The following FEZ1 variants were observed in gnomAD, a reference collection of about 807,000 sequenced individuals.
FEZ1 encodes fasciculation and elongation protein zeta 1, also known as fasciculation and elongation protein zeta-1.
FEZ1 carries 20 observed loss-of-function variants against 49.3 expected under a neutral mutation model. That is an observed-to-expected ratio of 0.41 (90% CI 0.29 to 0.59). FEZ1 has a LOEUF of 0.59. FEZ1 is among the 20% of genes least tolerant of loss of function. FEZ1 has a pLI of 0.36. For synonymous variants in FEZ1, 170 were observed against 180.9 expected (o/e 0.94, Z 0.48); for missense variants, 413 against 476.0 (o/e 0.87, Z 1.23).
chr11:125,460,450 C>T, intron 5 of FEZ1, 48 bp downstream of exon 5: 1 of 1,570,620 alleles, frequency 6.4e-7, no homozygotes, highest in Non-Finnish European at 8.7e-7. Context: ...GAGCCTGGCC[C>T]CGAGCAGGTG....
rs1591603839 is a variant in FEZ1, at chr11:125,489,840, C to A, written c.-45-18G>T. 2 of 1,503,302 alleles carry A rather than the reference C, an allele frequency of 1.3e-6. No individual in the cohort carries two copies. The highest frequency in any genetic ancestry group is 2.8e-5 in the South Asian group (2 of 71,008). The allele number at this position is 1,503,302 out of a possible 1,614,324, so 93.1% of individuals were successfully genotyped here. ...GAGTTTATCTAAAAGAAATGAACAG[C>A]GTAATGTGAGTTTAGACCAGGCTAA... On this transcript the variant is annotated intron_variant, in intron 1 of 9. Transcript: ENST00000278919. The surrounding 1 kb of genome is among the most constrained non-coding windows in gnomAD (Gnocchi z 4.2).
At chr11:125,485,780 CAAA>C (rs541680089) in intron 2 of FEZ1, among the ~76,000 whole-genome samples, 1 of 114,152 alleles carries the variant, frequency 8.8e-6, no homozygotes. Flanking sequence ...TACTAAAAGA[CAAA>C]AAAAAAAAAA....
At chr11:125,484,779 T>A (rs997310398) in intron 2 of FEZ1, among the ~76,000 whole-genome samples, 1 of 151,916 alleles carries the variant, frequency 6.6e-6, no homozygotes, top group Admixed American at 6.6e-5. Flanking sequence ...GAAGGAGGAA[T>A]GGCAAAGGTA....
intron 3 of FEZ1, among the ~76,000 whole-genome samples, chr11:125,478,487 A>G (rs1458380974): frequency 6.6e-6 from 1 of 152,220 alleles, no homozygotes; most frequent in Non-Finnish European, 1.5e-5. Context: ...AAGTGGAGGT[A>G]TGAGTGCTCA....
At chr11:125,485,549 C>T (rs1283146666) in intron 2 of FEZ1, among the ~76,000 whole-genome samples, 1 of 152,194 alleles carries the variant, frequency 6.6e-6, no homozygotes, top group African/African-American at 2.4e-5. Flanking sequence ...GGCTACTTCC[C>T]TTGTCTAGTG....
At chr11:125,446,243 G>T in intron 9 of FEZ1, 132 bp from the exon 10 acceptor site, 1 of 780,020 alleles carries the variant, frequency 1.3e-6, no homozygotes, top group Non-Finnish European at 2.3e-6. Flanking sequence ...TTAGTGCCTA[G>T]AATAAGGGAG....
Position 125,456,058 on chromosome 11 carries a change from A to T in FEZ1, c.716T>A (p.Val239Glu). Residue 239 changes from valine (V) to glutamate (E), a missense_variant, in exon 6 of 10, where the codon GTG becomes GAG. Coordinates refer to ENST00000278919, the MANE Select transcript of FEZ1 (RefSeq NM_005103.5). ...GSELTELLDQ[V>E]EGAIRDFSEE... ...CGAGAAGTCACGGATGGCACCCTCC[A>T]CCTGGTCCAGCAGCTCGGTCAGCTC... 6.2e-7 allele frequency: 1 copy of T among 1,609,548 alleles called. No homozygotes were observed. The highest frequency in any genetic ancestry group is 8.5e-7 in the Non-Finnish European group (1 of 1,178,722).
At chr11:125,494,713 C>T (rs889428121) in intron 1 of FEZ1, among the ~76,000 whole-genome samples, 1 of 152,170 alleles carries the variant, frequency 6.6e-6, no homozygotes, top group Non-Finnish European at 1.5e-5. Flanking sequence ...AAAAGACACT[C>T]ACGGGGCTTA....
chr11:125,463,435 C>A, intron 4 of FEZ1, 49 bp downstream of exon 4: 1 of 1,105,228 alleles, frequency 9.0e-7, no homozygotes. Context: ...TGGACTTTTT[C>A]TCCATCAAAA....
intron 3 of FEZ1, among the ~76,000 whole-genome samples, chr11:125,463,810 C>T (rs114470918): frequency 0.014 from 2,071 of 152,286 alleles, 35 homozygotes; most frequent in African/African-American, 0.03. Flanking sequence ...CAGGAAAAGA[C>T]GACAGGGGAA....
chr11:125,463,707 G>A, intron 3 of FEZ1, 137 bp from the exon 4 acceptor site: 1 of 636,570 alleles, frequency 1.6e-6, no homozygotes, highest in South Asian at 1.8e-5. Flanking sequence ...CTGAAGAGGT[G>A]TCCAGAGTTT....
intron 3 of FEZ1, among the ~76,000 whole-genome samples, chr11:125,471,905 A>T (rs1957186423): frequency 6.6e-6 from 1 of 152,156 alleles, no homozygotes; most frequent in African/African-American, 2.4e-5. Context: ...GATTTAAGTC[A>T]TACAAAGTAT....
chr11:125,446,206 C>T (rs1956897580), intron 9 of FEZ1, 95 bp from the exon 10 acceptor site: 2 of 1,197,132 alleles, frequency 1.7e-6, no homozygotes, highest in Non-Finnish European at 2.5e-6. Flanking sequence ...GCAGTCACAC[C>T]AGCTCCTGAG....
chr11:125,474,946 A>C (rs1167273238), intron 3 of FEZ1, among the ~76,000 whole-genome samples: 1 of 151,642 alleles, frequency 6.6e-6, no homozygotes, highest in Non-Finnish European at 1.5e-5. Flanking sequence ...GTACTAAAAA[A>C]ATGCACAAAA....
chr11:125,460,510 AGTT>A lies in FEZ1; in HGVS notation c.652_654del (p.Asn218del). The A allele has an allele frequency of 1.9e-6, 3 of 1,613,956 alleles. No homozygotes were observed. ...CCAGGGCCCTCACCTTCATAGGACC[AGTT>A]GTTGTTGAAGGTCTGTGTCAATGCC... On this transcript the variant is annotated inframe_deletion, in exon 5 of 10. Coordinates refer to ENST00000278919, the MANE Select transcript of FEZ1 (RefSeq NM_005103.5).
chr11:125,446,200 T>C, intron 9 of FEZ1, 89 bp from the exon 10 acceptor site: 6 of 1,227,276 alleles, frequency 4.9e-6, no homozygotes, highest in Non-Finnish European at 7.2e-6. Context: ...CTGAGAGCAG[T>C]CACACCAGCT....
intron 6 of FEZ1, chr11:125,455,553 T>G (rs1957001437): frequency 6.4e-6 from 3 of 471,020 alleles, no homozygotes; most frequent in Non-Finnish European, 7.7e-6. Flanking sequence ...CGAAATACCC[T>G]CACTCCACTT....
At chr11:125,487,800 TTG>T (rs1440603394) in intron 2 of FEZ1, among the ~76,000 whole-genome samples, 2 of 152,244 alleles carry the variant, frequency 1.3e-5, no homozygotes, top group Admixed American at 1.3e-4. Context: ...TATTTGCACA[TTG>T]CACTGTATTA....
At chr11:125,473,250 T>A (rs1397274205) in intron 3 of FEZ1, among the ~76,000 whole-genome samples, 2 of 152,192 alleles carry the variant, frequency 1.3e-5, no homozygotes, top group African/African-American at 4.8e-5. Flanking sequence ...CGCACATACA[T>A]GATCAATTGA....
Sources: gnomAD v4.1 joint callset for allele counts (sites outside exome capture counted in the v4.1 genomes callset) on GRCh38, gnomAD v4.1.1 for gene constraint, Gnocchi (gnomAD v3.1) non-coding constraint, MANE v1.5 for transcripts, NCBI Gene and HGNC (gene_info 2026-07-23, HGNC 2026-07-21) for gene names.